The following CSMD3 variants were observed in gnomAD, a reference collection of about 807,000 sequenced individuals.
CSMD3 encodes CUB and sushi domain-containing protein 3.
CSMD3 carries 177 observed loss-of-function variants against 435.2 expected under a neutral mutation model. The ratio of observed to expected loss-of-function variants is 0.41; its 90% CI spans 0.36 to 0.46. The LOEUF (loss-of-function observed/expected upper bound fraction) is 0.46. Ranked by LOEUF, CSMD3 falls within the 20% of genes least tolerant of loss-of-function variation. The pLI is 0.34. For synonymous variants in CSMD3, 1,656 were observed against 1,520.5 expected, an observed-to-expected ratio of 1.09 and a Z score of -2.07; for missense variants, 4,265 against 4,504.6, an observed-to-expected ratio of 0.95 and a Z score of 1.52.
At chr8:113,027,826 T>G (rs2086931727) in intron 5 of CSMD3, among the ~76,000 whole-genome samples, 1 of 152,082 alleles carries the variant, frequency 6.6e-6, no homozygotes, top group African/African-American at 2.4e-5. Flanking sequence ...AGATGAATTC[T>G]CTTATAAAAA....
chr8:113,401,208 C>A (rs1441234071), intron 1 of CSMD3, among the ~76,000 whole-genome samples: 1 of 151,644 alleles, frequency 6.6e-6, no homozygotes, highest in Non-Finnish European at 1.5e-5. Context: ...CTGCTTAGAT[C>A]TTTTTCAATT....
chr8:112,981,134 T>C (rs190643847), intron 6 of CSMD3, among the ~76,000 whole-genome samples: 2 of 151,612 alleles, frequency 1.3e-5, no homozygotes, highest in East Asian at 1.9e-4. Flanking sequence ...TGAAACTTCA[T>C]AAGATTAAAA....
intron 5 of CSMD3, among the ~76,000 whole-genome samples, chr8:113,063,979 T>C (rs2088732855): frequency 6.6e-6 from 1 of 151,554 alleles, no homozygotes; most frequent in African/African-American, 2.4e-5. Context: ...GTCTAAGCAA[T>C]GAATTTTAGG....
chr8:113,106,330 A>G (rs1027382843), intron 4 of CSMD3, among the ~76,000 whole-genome samples: 4 of 152,286 alleles, frequency 2.6e-5, no homozygotes, highest in African/African-American at 7.2e-5. Flanking sequence ...AGAAATTAAA[A>G]AAAAAATACT....
intron 13 of CSMD3, among the ~76,000 whole-genome samples, chr8:112,701,847 C>T (rs908885610): frequency 6.6e-6 from 1 of 152,148 alleles, no homozygotes; most frequent in African/African-American, 2.4e-5. Context: ...GACATCTTCT[C>T]TGCCTGAAAA....
At chr8:112,682,379 T>C (rs2075919036) in intron 16 of CSMD3, 63 bp downstream of exon 16, 1 of 1,180,926 alleles carries the variant, frequency 8.5e-7, no homozygotes, top group Non-Finnish European at 1.3e-6. Context: ...AATGTGTTTC[T>C]TGTTGTGGTT....
intron 30 of CSMD3, among the ~76,000 whole-genome samples, chr8:112,494,555 CTTTCTTTCTTTCTTTCTTTT>C (rs1821126115): frequency 1.0e-5 from 1 of 99,776 alleles, no homozygotes; most frequent in Non-Finnish European, 2.3e-5. Context: ...TTCTTTCTTT[CTTTCTTTCTTTCTTTCTTTT>C]CTTTCTTTCT....
chr8:112,907,340 C>T (rs905936013), intron 10 of CSMD3, among the ~76,000 whole-genome samples: 4 of 151,404 alleles, frequency 2.6e-5, no homozygotes, highest in Non-Finnish European at 4.4e-5. Flanking sequence ...GTATATACTG[C>T]ACTCTTCAGT....
intron 13 of CSMD3, among the ~76,000 whole-genome samples, chr8:112,715,050 C>A (rs1202474786): frequency 6.6e-6 from 1 of 151,956 alleles, no homozygotes; most frequent in East Asian, 1.9e-4. Flanking sequence ...CAAAAGCCAG[C>A]AGAAGACAAA....
chr8:112,448,755 T>TA (rs199998820), intron 32 of CSMD3, among the ~76,000 whole-genome samples: 2,071 of 126,822 alleles, frequency 0.016, 18 homozygotes, highest in East Asian at 0.029. Context: ...TACAATCTAT[T>TA]AAAAAAAAAA....
At chr8:113,301,387 TAATA>T (rs905978752) in intron 2 of CSMD3, among the ~76,000 whole-genome samples, 3 of 152,158 alleles carry the variant, frequency 2.0e-5, no homozygotes, top group African/African-American at 7.2e-5. Context: ...GCTAGTATTC[TAATA>T]AATATATTAT....
intron 13 of CSMD3, among the ~76,000 whole-genome samples, chr8:112,692,216 A>C (rs570547338): frequency 1.4e-4 from 22 of 151,790 alleles, no homozygotes; most frequent in African/African-American, 5.1e-4. Context: ...TCTTGAGTTG[A>C]AATCTTAGAA....
intron 6 of CSMD3, among the ~76,000 whole-genome samples, chr8:113,017,048 T>G (rs568669753): frequency 7.0e-4 from 106 of 152,100 alleles, no homozygotes; most frequent in Non-Finnish European, 1.2e-3. Flanking sequence ...TTAATCTTAT[T>G]ATAAAATCAA....
chr8:112,774,492 C>G (rs146821418), intron 13 of CSMD3, among the ~76,000 whole-genome samples: 2 of 152,138 alleles, frequency 1.3e-5, no homozygotes, highest in Non-Finnish European at 2.9e-5. Context: ...TTTTATGCCT[C>G]ACGGTGAAAT....
At chr8:112,949,229 C>T (rs1395853069) in intron 8 of CSMD3, among the ~76,000 whole-genome samples, 1 of 151,900 alleles carries the variant, frequency 6.6e-6, no homozygotes, top group African/African-American at 2.4e-5. Flanking sequence ...GTAAAGTTGT[C>T]GTTTTCTAAA....
chr8:113,246,420 T>C (rs1478411125), intron 3 of CSMD3, among the ~76,000 whole-genome samples: 1 of 152,114 alleles, frequency 6.6e-6, no homozygotes, highest in Non-Finnish European at 1.5e-5. Context: ...TATGTGGTTC[T>C]TTTTTAAATG....
rs146863839 is a variant in CSMD3, at chr8:112,244,913, T to C, written c.10223-340A>G. ...CCAGAGAGTCACAAAAACCAGCATT[T>C]TAAAGGATCTGTGAAGTTCTGTGGT... On this transcript the variant is annotated intron_variant, in intron 64 of 70. Coordinates refer to ENST00000297405, the MANE Select transcript of CSMD3 (RefSeq NM_198123.2). Among the ~76,000 whole-genome samples, 192 of 152,150 alleles carry C rather than the reference T, an allele frequency of 1.3e-3. 1 individual carries two copies. Among genetic ancestry groups the C allele is most frequent in the South Asian group, 4.8e-3 (23 of 4,826 alleles).
intron 31 of CSMD3, among the ~76,000 whole-genome samples, chr8:112,477,885 C>A (rs534959453): frequency 1.1e-4 from 17 of 152,318 alleles, no homozygotes; most frequent in Middle Eastern, 3.4e-3. Context: ...GCTGTGTCCC[C>A]AGCCAAATCT....
Position 112,556,888 on chromosome 8 carries a change from C to G in CSMD3, c.4109G>C (p.Gly1370Ala), listed in dbSNP as rs145750770. ...AATGATGGTGCTACCAGCAAAGTGG[C>G]CTTGGTCACTGATCTTGTATCCAAA... ...PQFGYKISDQ[G>A]HFAGSTIIYG... Residue 1370 changes from glycine to alanine, a missense_variant, in exon 25 of 71, where the codon GGC (glycine) becomes GCC (alanine). Gly to Ala is a moderately conservative substitution (Grantham distance 60). This residue lies in a region of CSMD3 where 3,255 missense variants were observed against 3,380.2 expected (regional missense o/e 0.96). Coordinates refer to ENST00000297405, the MANE Select transcript of CSMD3 (RefSeq NM_198123.2). 2 of 1,612,026 alleles carry G rather than the reference C, an allele frequency of 1.2e-6. No individual in the cohort carries two copies. The highest frequency in any genetic ancestry group is 1.7e-5 in the Admixed American group (1 of 59,754).
Sources: gnomAD v4.1 joint callset for allele counts (sites outside exome capture counted in the v4.1 genomes callset) on GRCh38, gnomAD v4.1.1 for gene constraint, gnomAD v4.1.1 regional missense constraint, MANE v1.5 for transcripts, NCBI Gene and HGNC (gene_info 2026-07-23, HGNC 2026-07-21) for gene names.